The following NT5C2 variants were observed in gnomAD, a reference collection of about 807,000 sequenced individuals.
NT5C2 encodes the protein 5'-nucleotidase, cytosolic II, also known as cytosolic purine 5'-nucleotidase.
In NT5C2, 58 loss-of-function variants were observed where a neutral mutation model predicts 76.1. The observed-to-expected ratio is 0.76, with a 90% CI of 0.62 to 0.95. NT5C2 has a LOEUF of 0.95. Among genes scored for constraint, NT5C2 ranks in the 40% least tolerant of loss-of-function variants. The probability of loss-of-function intolerance (pLI) is 0.00; values close to 1 mark genes in which losing one functional copy is unlikely to be tolerated. For synonymous variants in NT5C2, 229 were observed against 237.4 expected, an observed-to-expected ratio of 0.96 and a Z score of 0.32; for missense variants, 478 against 690.3, an observed-to-expected ratio of 0.69 and a Z score of 3.45.
At chr10:103,129,244 G>A (rs2077418160) in intron 4 of NT5C2, among the ~76,000 whole-genome samples, 1 of 109,608 alleles carries the variant, frequency 9.1e-6, no homozygotes, top group Non-Finnish European at 2.0e-5. Context: ...CGTCCGGGAG[G>A]GAGATGGGGG....
intron 3 of NT5C2, among the ~76,000 whole-genome samples, chr10:103,163,679 A>G (rs113604758): frequency 6.0e-5 from 9 of 151,196 alleles, no homozygotes; most frequent in South Asian, 2.1e-4. Context: ...TTTTCAGTCT[A>G]TAACAGCTTT....
chr10:103,163,084 T>C lies in NT5C2; in HGVS notation c.101+11774A>G, dbSNP rs543103533. 7.5e-4 allele frequency among the ~76,000 whole-genome samples: 115 copies of C among 152,344 alleles called. 1 individual carries two copies. Among genetic ancestry groups the C allele is most frequent in the African/African-American group, 2.7e-3 (111 of 41,582 alleles). On this transcript the variant is annotated intron_variant, in intron 3 of 18. Transcript: ENST00000404739. ...GACTGTCTTATTTGACTCAGCATTA[T>C]GCCTTTGAGAGTGATCAGTTGCTCT...
chr10:103,151,917 T>G (rs1285112162), intron 3 of NT5C2, among the ~76,000 whole-genome samples: 1 of 152,034 alleles, frequency 6.6e-6, no homozygotes, highest in Non-Finnish European at 1.5e-5. Context: ...CTCCAGAGGC[T>G]CCTAGAGATA....
intron 18 of NT5C2, chr10:103,090,219 A>G: frequency 2.9e-6 from 1 of 342,194 alleles, no homozygotes; most frequent in Non-Finnish European, 5.3e-6. Context: ...GAATGTAAAA[A>G]CCACATTTTC....
At chr10:103,098,655 T>C (rs945291389) in intron 10 of NT5C2, 2 of 364,952 alleles carry the variant, frequency 5.5e-6, no homozygotes, top group Non-Finnish European at 9.9e-6. Flanking sequence ...ACTGCTATTA[T>C]AATTGAAGCT....
chr10:103,089,673 T>TATTCTTCCTCCTCCTC lies in NT5C2; in HGVS notation c.1669_1684dup (p.Ter562=). ...TGCTTGGGGTTTTGGTTTTCCTCCT[T>TATTCTTCCTCCTCCTC]ATTCTTCCTCCTCCTCCTCCTCTTC... On this transcript the variant is annotated frameshift_variant and stop_retained_variant, in exon 19 of 19. Transcript: ENST00000404739. LOFTEE classifies it high-confidence loss of function. 6.3e-7 allele frequency: 1 copy of TATTCTTCCTCCTCCTC among 1,595,474 alleles called. No homozygotes were observed.
At chr10:103,146,081 C>T (rs1363699403) in intron 3 of NT5C2, 1 of 985,380 alleles carries the variant, frequency 1.0e-6, no homozygotes. Context: ...TCTGAGTCAA[C>T]TAGTTCTTGA....
intron 4 of NT5C2, chr10:103,125,512 T>C (rs2076497423): frequency 5.2e-6 from 1 of 192,624 alleles, no homozygotes; most frequent in Non-Finnish European, 1.1e-5. Context: ...TTCTGCTTCT[T>C]GAAGAAACCA....
At chr10:103,184,133 G>C (rs1246709200) in intron 1 of NT5C2, among the ~76,000 whole-genome samples, 1 of 152,018 alleles carries the variant, frequency 6.6e-6, no homozygotes, top group Admixed American at 6.6e-5. Context: ...TGTATTTTTA[G>C]TACAGACGGG....
chr10:103,141,012 G>C (rs1340553815), intron 3 of NT5C2, among the ~76,000 whole-genome samples: 1 of 152,144 alleles, frequency 6.6e-6, no homozygotes, highest in Non-Finnish European at 1.5e-5. Context: ...AAGCTTTTTA[G>C]TTTGAGGTAG....
intron 4 of NT5C2, among the ~76,000 whole-genome samples, chr10:103,138,515 A>T (rs2079748960): frequency 6.6e-6 from 1 of 151,930 alleles, no homozygotes; most frequent in Non-Finnish European, 1.5e-5. Flanking sequence ...CCCACTTATG[A>T]GTGAGAACAT....
chr10:103,098,683 A>G, intron 10 of NT5C2: 1 of 451,608 alleles, frequency 2.2e-6, no homozygotes, highest in Non-Finnish European at 3.9e-6. Context: ...CAAATGCAAT[A>G]CTGAGTCTTC....
chr10:103,152,229 T>C (rs1036997990), intron 3 of NT5C2, among the ~76,000 whole-genome samples: 20 of 152,194 alleles, frequency 1.3e-4, no homozygotes, highest in South Asian at 4.1e-4. Flanking sequence ...AAAGAAAATA[T>C]ACCAACCTAA....
intron 6 of NT5C2, among the ~76,000 whole-genome samples, chr10:103,103,979 A>G (rs1467311364): frequency 6.6e-6 from 1 of 152,152 alleles, no homozygotes; most frequent in African/African-American, 2.4e-5. Context: ...TCAGTCTCCC[A>G]TATAGCTGGG....
rs151245778 is a variant in NT5C2 at position 103,137,689 on chromosome 10, G to C, written c.175+1717C>G. ...TTTCTGAAAGATTCTGTGTGTCACA[G>C]TTTCACATACACGTGCAAGCATATA... On this transcript the variant is annotated intron_variant, in intron 4 of 18. Transcript: ENST00000404739. 5.9e-3 allele frequency among the ~76,000 whole-genome samples: 906 copies of C among 152,308 alleles called. 9 individuals carry two copies. The highest frequency in any genetic ancestry group is 0.02 in the African/African-American group (849 of 41,566).
chr10:103,186,774 C>T (rs1428571843), intron 1 of NT5C2, among the ~76,000 whole-genome samples: 13 of 151,688 alleles, frequency 8.6e-5, no homozygotes, highest in Admixed American at 5.9e-4. Context: ...AATAGCCAGG[C>T]GTGGTGGCAC....
At chr10:103,091,788 G>A (rs1216982707) in intron 15 of NT5C2, among the ~76,000 whole-genome samples, 173 bp from the exon 16 acceptor site, 1 of 152,164 alleles carries the variant, frequency 6.6e-6, no homozygotes, top group Non-Finnish European at 1.5e-5. Context: ...ACTGATACCT[G>A]CTTGGAGTCT....
At chr10:103,121,111 A>G (rs919466005) in intron 4 of NT5C2, among the ~76,000 whole-genome samples, 11 of 152,342 alleles carry the variant, frequency 7.2e-5, no homozygotes, top group Middle Eastern at 6.8e-3. Flanking sequence ...AGAGGTTACT[A>G]GCAACTGAGG....
intron 1 of NT5C2, among the ~76,000 whole-genome samples, chr10:103,183,275 A>AT (rs1554841685): frequency 9.5e-6 from 1 of 104,934 alleles, no homozygotes; most frequent in Admixed American, 1.3e-4. Flanking sequence ...ATATATATAT[A>AT]TATATATATA....
Sources: gnomAD v4.1 joint callset for allele counts (sites outside exome capture counted in the v4.1 genomes callset) on GRCh38, gnomAD v4.1.1 for gene constraint, MANE v1.5 for transcripts, NCBI Gene and HGNC (gene_info 2026-07-23, HGNC 2026-07-21) for gene names.